LEMD1: variants seen among roughly 807,000 people sequenced by gnomAD.
The protein encoded by LEMD1 is LEM domain containing 1.
Under a neutral mutation model 17.4 loss-of-function variants are expected in LEMD1, and 18 were observed. The observed-to-expected ratio is 1.04, with a 90% CI of 0.72 to 1.54. LEMD1 has a LOEUF of 1.54. LEMD1 is among the 40% of genes most tolerant of loss of function. The probability of loss-of-function intolerance (pLI) is 0.00; values close to 1 mark genes in which losing one functional copy is unlikely to be tolerated. For missense variants in LEMD1, 195 were observed against 210.4 expected, an observed-to-expected ratio of 0.93 and a Z score of 0.45; for synonymous variants, 88 against 77.8, an observed-to-expected ratio of 1.13 and a Z score of -0.69.
intron 4 of LEMD1, among the ~76,000 whole-genome samples, chr1:205,393,669 C>G (rs1664447210): frequency 1.8e-5 from 1 of 55,218 alleles, no homozygotes; most frequent in Non-Finnish European, 3.8e-5. Flanking sequence ...GAGAGAGACT[C>G]TGTCTTAAAA....
At chr1:205,391,691 G>A (rs1379286289) in intron 4 of LEMD1, among the ~76,000 whole-genome samples, 2 of 152,112 alleles carry the variant, frequency 1.3e-5, no homozygotes, top group Non-Finnish European at 2.9e-5. Context: ...CCGCCTCCAC[G>A]CACACCCCAA....
intron 1 of LEMD1, among the ~76,000 whole-genome samples, chr1:205,447,810 C>T (rs923642931): frequency 5.9e-5 from 9 of 152,104 alleles, no homozygotes; most frequent in Admixed American, 3.3e-4. Flanking sequence ...CCCTCGTGGC[C>T]GGCATGGAGT....
intron 1 of LEMD1, among the ~76,000 whole-genome samples, chr1:205,428,813 G>T (rs1369014367): frequency 6.6e-6 from 1 of 152,160 alleles, no homozygotes; most frequent in East Asian, 1.9e-4. Flanking sequence ...AGATTTAGAA[G>T]GGAGAGTCAA....
intron 4 of LEMD1, among the ~76,000 whole-genome samples, chr1:205,403,598 C>A (rs575052042): frequency 2.0e-5 from 3 of 151,722 alleles, no homozygotes; most frequent in South Asian, 2.1e-4. Context: ...CTCTTTTTTT[C>A]TTTATTAGTC....
chr1:205,416,392 G>A (rs1221158878), intron 3 of LEMD1, 96 bp from the exon 4 acceptor site: 2 of 856,890 alleles, frequency 2.3e-6, no homozygotes, highest in African/African-American at 3.5e-5. Flanking sequence ...CTCTCAATTA[G>A]AGGACATTTT....
intron 4 of LEMD1, among the ~76,000 whole-genome samples, chr1:205,405,598 T>G (rs1665055852): frequency 6.7e-6 from 1 of 150,354 alleles, no homozygotes; most frequent in African/African-American, 2.5e-5. Flanking sequence ...TAGTTATACA[T>G]TCATCTAAAT....
At chr1:205,395,268 T>A (rs879523008) in intron 4 of LEMD1, among the ~76,000 whole-genome samples, 4 of 152,162 alleles carry the variant, frequency 2.6e-5, no homozygotes, top group Admixed American at 2.6e-4. Flanking sequence ...CACGTAAGAA[T>A]TCTTTGTTGG....
chr1:205,420,190 C>T (rs984141660), intron 2 of LEMD1, among the ~76,000 whole-genome samples: 1 of 152,098 alleles, frequency 6.6e-6, no homozygotes, highest in African/African-American at 2.4e-5. Context: ...TGGTGGTGTG[C>T]ACCTGTAATC....
At chr1:205,395,195 T>G (rs1664533269) in intron 4 of LEMD1, among the ~76,000 whole-genome samples, 1 of 152,132 alleles carries the variant, frequency 6.6e-6, no homozygotes, top group South Asian at 2.1e-4. Flanking sequence ...GATAAAATTG[T>G]AAAACACCGA....
chr1:205,413,674 G>A (rs900691053), intron 4 of LEMD1, among the ~76,000 whole-genome samples: 2 of 128,598 alleles, frequency 1.6e-5, no homozygotes, highest in African/African-American at 6.0e-5. Flanking sequence ...TTTTTTGAGA[G>A]TCTCCTCTCA....
chr1:205,398,419 A>G (rs962415379), intron 4 of LEMD1, among the ~76,000 whole-genome samples: 5 of 152,232 alleles, frequency 3.3e-5, no homozygotes, highest in Non-Finnish European at 7.3e-5. Context: ...TGCACATGCT[A>G]TTGTAGGCTT....
intron 1 of LEMD1, among the ~76,000 whole-genome samples, chr1:205,444,137 T>C (rs1475484986): frequency 6.6e-6 from 1 of 150,786 alleles, no homozygotes; most frequent in African/African-American, 2.4e-5. Flanking sequence ...ATCCTCCCCC[T>C]CCTTTTCCAT....
intron 4 of LEMD1, among the ~76,000 whole-genome samples, chr1:205,409,748 T>C (rs1311882544): frequency 6.6e-6 from 1 of 151,180 alleles, no homozygotes; most frequent in Non-Finnish European, 1.5e-5. Flanking sequence ...ACCACAAGCA[T>C]GCGTGCCACT....
upstream of LEMD1, chr1:205,422,109 C>A (rs572857858): frequency 4.6e-5 from 7 of 152,280 alleles, no homozygotes; most frequent in South Asian, 1.5e-3. Flanking sequence ...TTATGGTAAT[C>A]ATAATACTGA....
rs147650120 is a variant in LEMD1 at position 205,414,975 on chromosome 1, G to A, written c.270+1257C>T. Among the ~76,000 whole-genome samples the A allele has an allele frequency of 2.2e-3, 333 of 152,306 alleles. 1 individual carries two copies. Among genetic ancestry groups the A allele is most frequent in the African/African-American group, 7.6e-3 (316 of 41,554 alleles). On this transcript the variant is annotated intron_variant, in intron 4 of 5. Transcript: ENST00000367153. ...GGGATGGATTTTTTAACATCATTCA[G>A]ATCCCTAAGACTTGGCAGCTCTTTG...
rs533022499 is a variant in LEMD1 at position 205,415,826 on chromosome 1, G to A, written c.270+406C>T. 3.3e-5 allele frequency among the ~76,000 whole-genome samples: 5 copies of A among 152,290 alleles called. No individual in the cohort carries two copies. In the South Asian group the frequency reaches 8.3e-4, roughly 25 times the overall value. The stretch of plus-strand genomic sequence containing the variant: ...CACATTTGGCCGTGTGCTTCAATAC[G>A]GTGCTGGGGGTAGAAGCCAGATGTT... On this transcript the variant is annotated intron_variant, in intron 4 of 5. Transcript: ENST00000367153.
chr1:205,396,015 G>GT (rs146262850), intron 4 of LEMD1, among the ~76,000 whole-genome samples: 3,854 of 148,860 alleles, frequency 0.026, 148 homozygotes, highest in African/African-American at 0.087. Flanking sequence ...TGGAGCATTT[G>GT]TTTTTTTTTT....
intron 4 of LEMD1, 83 bp from the exon 5 acceptor site, chr1:205,384,447 T>A (rs1030462828): frequency 1.2e-6 from 1 of 862,764 alleles, no homozygotes; most frequent in African/African-American, 1.8e-5. Context: ...CTAGAAAAAG[T>A]CACATAATAT....
At chr1:205,430,094 G>A (rs375420393) in intron 1 of LEMD1, among the ~76,000 whole-genome samples, 1 of 152,248 alleles carries the variant, frequency 6.6e-6, no homozygotes, top group South Asian at 2.1e-4. Flanking sequence ...GCCCCTGAGA[G>A]AGCAATCGAG....
Sources: allele counts gnomAD v4.1 joint callset (sites outside exome capture counted in the v4.1 genomes callset), GRCh38; gene constraint gnomAD v4.1.1; transcripts MANE v1.5; gene names NCBI Gene and HGNC (gene_info 2026-07-23, HGNC 2026-07-21).